PCDH15: variants seen among roughly 807,000 people sequenced by gnomAD.
PCDH15 encodes protocadherin-15.
Under a neutral mutation model 178.5 loss-of-function variants are expected in PCDH15, and 129 were observed. The ratio of observed to expected loss-of-function variants is 0.72; its 90% CI spans 0.63 to 0.84. PCDH15 has a LOEUF of 0.84. PCDH15 is among the 40% of genes least tolerant of loss of function. The probability of loss-of-function intolerance (pLI) is 0.00; values close to 1 mark genes in which losing one functional copy is unlikely to be tolerated. For synonymous variants in PCDH15, 800 were observed against 732.0 expected (o/e 1.09, Z -1.50); for missense variants, 2,230 against 2,099.9 (o/e 1.06, Z -1.21).
chr10:55,450,980 T>TATAC (rs1349871063), intron 2 of PCDH15, among the ~76,000 whole-genome samples: 1 of 134,590 alleles, frequency 7.4e-6, no homozygotes, highest in African/African-American at 2.7e-5. Context: ...TATATATATA[T>TATAC]ATATAGTATG....
chr10:54,977,128 A>G (rs898191062), intron 2 of PCDH15, among the ~76,000 whole-genome samples: 7 of 152,214 alleles, frequency 4.6e-5, no homozygotes, highest in African/African-American at 1.7e-4. Context: ...TAAATTTAAG[A>G]GATTGGAAAA....
chr10:54,116,688 TC>T (rs1357849620), intron 15 of PCDH15, among the ~76,000 whole-genome samples: 10 of 152,186 alleles, frequency 6.6e-5, no homozygotes, highest in Non-Finnish European at 1.3e-4. Context: ...ACATTTCCAG[TC>T]CTAAGTGCTA....
intron 3 of PCDH15, among the ~76,000 whole-genome samples, chr10:54,493,060 T>G (rs2079755351): frequency 6.6e-6 from 1 of 152,144 alleles, no homozygotes; most frequent in South Asian, 2.1e-4. Context: ...TCACTGTCAC[T>G]AGAACAGCAC....
chr10:54,742,868 A>G (rs1279073489), intron 1 of PCDH15, among the ~76,000 whole-genome samples: 1 of 152,064 alleles, frequency 6.6e-6, no homozygotes, highest in Non-Finnish European at 1.5e-5. Context: ...TTATGGACTT[A>G]AGTTATTCAG....
At chr10:54,059,680 T>C (rs1353196988) in intron 18 of PCDH15, among the ~76,000 whole-genome samples, 2 of 152,180 alleles carry the variant, frequency 1.3e-5, no homozygotes, top group Non-Finnish European at 2.9e-5. Flanking sequence ...TTGGTGCTGA[T>C]GCTGATGCTG....
chr10:54,000,369 A>G (rs916547848), intron 20 of PCDH15, among the ~76,000 whole-genome samples: 1 of 152,180 alleles, frequency 6.6e-6, no homozygotes, highest in Non-Finnish European at 1.5e-5. Context: ...GGGGAAACAG[A>G]GAGAGTGATC....
At chr10:53,992,383 A>G (rs1012303848) in intron 21 of PCDH15, among the ~76,000 whole-genome samples, 1 of 152,200 alleles carries the variant, frequency 6.6e-6, no homozygotes, top group African/African-American at 2.4e-5. Context: ...CCAGTTTCGG[A>G]GACAATATTA....
At chr10:54,380,343 A>G (rs1949025073) in intron 3 of PCDH15, among the ~76,000 whole-genome samples, 1 of 151,800 alleles carries the variant, frequency 6.6e-6, no homozygotes, top group Admixed American at 6.6e-5. Flanking sequence ...CAACCTACAT[A>G]CAATACACTC....
At chr10:54,226,585 T>C (rs1220659728) in intron 9 of PCDH15, among the ~76,000 whole-genome samples, 1 of 152,078 alleles carries the variant, frequency 6.6e-6, no homozygotes, top group Non-Finnish European at 1.5e-5. Context: ...GCACTTGACC[T>C]CTCCCAAATC....
In PCDH15 at chr10:55,232,235, A is replaced by G. The variant is rs77483325; in HGVS notation, c.-155-65584T>C. ...GTTATATTTAGATATCATTGGGAGTAATTTTATCATTCAATTTGTAAATAC... is the reference window on the plus strand; with the variant it reads ...GTTATATTTAGATATCATTGGGAGTGATTTTATCATTCAATTTGTAAATAC... On this transcript the variant is annotated intron_variant, in intron 1 of 5. Transcript: ENST00000458638. Among the ~76,000 whole-genome samples the G allele has an allele frequency of 2.2e-3, 335 of 152,086 alleles. 2 individuals are homozygous for G. Among genetic ancestry groups the G allele is most frequent in the African/African-American group, 7.6e-3 (314 of 41,480 alleles).
intron 1 of PCDH15, among the ~76,000 whole-genome samples, chr10:55,305,014 T>G (rs1032395950): frequency 6.6e-6 from 1 of 152,162 alleles, no homozygotes; most frequent in Non-Finnish European, 1.5e-5. Flanking sequence ...GGGCTTAAGC[T>G]CATAGTATTC....
chr10:54,806,798 A>T (rs1952785170), intron 3 of PCDH15, among the ~76,000 whole-genome samples: 1 of 152,152 alleles, frequency 6.6e-6, no homozygotes, highest in African/African-American at 2.4e-5. Context: ...CCACCACGCC[A>T]GGCTTAAGGA....
chr10:54,310,333 G>C (rs2060826167), intron 8 of PCDH15, among the ~76,000 whole-genome samples: 2 of 152,096 alleles, frequency 1.3e-5, no homozygotes, highest in Admixed American at 1.3e-4. Context: ...AGAGGAGTGA[G>C]AGACTGGAGG....
chr10:54,298,407 G>T (rs914569324), intron 8 of PCDH15, among the ~76,000 whole-genome samples: 3 of 152,176 alleles, frequency 2.0e-5, no homozygotes, highest in Non-Finnish European at 2.9e-5. Flanking sequence ...GAGAAAGACT[G>T]CAGCCTTAGT....
At chr10:54,157,661 G>A (rs1258852731) in intron 13 of PCDH15, among the ~76,000 whole-genome samples, 1 of 152,180 alleles carries the variant, frequency 6.6e-6, no homozygotes, top group Admixed American at 6.5e-5. Context: ...ATTTTTGCAG[G>A]TGGCTTTAAC....
intron 18 of PCDH15, among the ~76,000 whole-genome samples, chr10:54,059,116 C>A (rs184835397): frequency 4.4e-4 from 67 of 152,290 alleles, no homozygotes; most frequent in African/African-American, 1.4e-3. Flanking sequence ...ATGAGAACAA[C>A]TTTTTCAGCT....
At chr10:54,812,679 GA>G (rs1952884041) in intron 3 of PCDH15, among the ~76,000 whole-genome samples, 1 of 151,648 alleles carries the variant, frequency 6.6e-6, no homozygotes, top group Non-Finnish European at 1.5e-5. Context: ...GGATGATGTC[GA>G]TCTCTTGACC....
intron 2 of PCDH15, among the ~76,000 whole-genome samples, chr10:54,560,788 A>G (rs931432641): frequency 6.6e-6 from 1 of 152,100 alleles, no homozygotes; most frequent in African/African-American, 2.4e-5. Flanking sequence ...AAATGTTAGG[A>G]TATAATGAAA....
chr10:54,708,955 A>C (rs1358378169), intron 1 of PCDH15, among the ~76,000 whole-genome samples: 1 of 152,186 alleles, frequency 6.6e-6, no homozygotes, highest in East Asian at 1.9e-4. Flanking sequence ...TTATTTTCTC[A>C]GAGGAGTTTT....
Sources: gnomAD v4.1 joint callset for allele counts (sites outside exome capture counted in the v4.1 genomes callset) on GRCh38, gnomAD v4.1.1 for gene constraint, MANE v1.5 for transcripts, NCBI Gene and HGNC (gene_info 2026-07-23, HGNC 2026-07-21) for gene names.